Variants in MGAT4C observed in about 807,000 individuals in gnomAD.
MGAT4C encodes alpha-1,3-mannosyl-glycoprotein 4-beta-N-acetylglucosaminyltransferase C.
MGAT4C carries 19 observed loss-of-function variants against 40.1 expected under a neutral mutation model. The observed-to-expected ratio is 0.47, with a 90% CI of 0.33 to 0.70. The LOEUF (loss-of-function observed/expected upper bound fraction) is 0.70, where lower values mean the gene tolerates loss of function less well. Among genes scored for constraint, MGAT4C ranks in the 30% least tolerant of loss-of-function variants. MGAT4C has a pLI of 0.02. For missense variants in MGAT4C, 491 were observed against 563.2 expected (o/e 0.87, Z 1.30); for synonymous variants, 181 against 187.1 (o/e 0.97, Z 0.27).
chr12:86,142,976 T>C (rs189768008), intron 1 of MGAT4C, among the ~76,000 whole-genome samples: 4 of 152,272 alleles, frequency 2.6e-5, no homozygotes, highest in Admixed American at 6.5e-5. Flanking sequence ...AACCCACTTA[T>C]TGTCTTCAAA....
At chr12:86,706,693 G>C (rs1013647902) in intron 2 of MGAT4C, among the ~76,000 whole-genome samples, 3 of 152,122 alleles carry the variant, frequency 2.0e-5, no homozygotes, top group Non-Finnish European at 4.4e-5. Context: ...ATTATGAATT[G>C]CCCTAGAATC....
At chr12:86,585,578 G>C (rs1242024213) in intron 2 of MGAT4C, among the ~76,000 whole-genome samples, 1 of 151,342 alleles carries the variant, frequency 6.6e-6, no homozygotes, top group East Asian at 1.9e-4. Context: ...ATAATTTAAT[G>C]AACCATGTGA....
chr12:86,333,269 GA>G (rs537381039), intron 4 of MGAT4C, among the ~76,000 whole-genome samples: 2 of 152,156 alleles, frequency 1.3e-5, no homozygotes, highest in Non-Finnish European at 2.9e-5. Flanking sequence ...CATTATTGGG[GA>G]AAAAAATTCC....
At chr12:86,813,728 T>A (rs1952524200) in intron 1 of MGAT4C, among the ~76,000 whole-genome samples, 2 of 152,132 alleles carry the variant, frequency 1.3e-5, no homozygotes, top group Admixed American at 6.6e-5. Context: ...AACTATGTTG[T>A]GTATTTGAAT....
intron 2 of MGAT4C, among the ~76,000 whole-genome samples, chr12:86,596,220 TAAATAA>T (rs1961533432): frequency 6.6e-6 from 1 of 152,056 alleles, no homozygotes; most frequent in African/African-American, 2.4e-5. Context: ...AATAAATAAA[TAAATAA>T]AACAAGTACC....
intron 3 of MGAT4C, among the ~76,000 whole-genome samples, chr12:86,419,979 C>A (rs930395027): frequency 1.3e-5 from 2 of 150,288 alleles, no homozygotes; most frequent in South Asian, 2.1e-4. Flanking sequence ...ACTGTCTTTC[C>A]CATAGTTTAG....
At chr12:86,509,009 T>A (rs567208245) in intron 2 of MGAT4C, among the ~76,000 whole-genome samples, 1 of 152,060 alleles carries the variant, frequency 6.6e-6, no homozygotes, top group Non-Finnish European at 1.5e-5. Context: ...ATTTTGTAGG[T>A]TGTCTGTTCA....
At chr12:86,127,718 T>A (rs1429352758) in intron 1 of MGAT4C, among the ~76,000 whole-genome samples, 1 of 152,172 alleles carries the variant, frequency 6.6e-6, no homozygotes, top group African/African-American at 2.4e-5. Context: ...GTAAACATTT[T>A]GTTAAAATCT....
intron 2 of MGAT4C, among the ~76,000 whole-genome samples, chr12:86,454,398 T>G (rs1394438122): frequency 6.6e-6 from 1 of 152,030 alleles, no homozygotes; most frequent in African/African-American, 2.4e-5. Context: ...TGATTAATTT[T>G]TGTATTTTTT....
chr12:86,202,562 C>CAGTTGA lies in MGAT4C; in HGVS notation c.-57+53676_-57+53677insTCAACT, dbSNP rs1317500981. Among the ~76,000 whole-genome samples, 183 of 151,842 alleles carry CAGTTGA rather than the reference C, an allele frequency of 1.2e-3. 2 individuals carry two copies. The East Asian group carries it at 0.033, about 28-fold the overall frequency. On this transcript the variant is annotated intron_variant, in intron 1 of 4. Transcript: ENST00000611864. ...AGATGTATAGGTTGATATTTTTCAC[C>CAGTTGA]AGTTTGACAAGTTTTAAGCCATTGT...
At chr12:86,179,265 T>A (rs887226917) in intron 1 of MGAT4C, among the ~76,000 whole-genome samples, 2 of 152,232 alleles carry the variant, frequency 1.3e-5, no homozygotes, top group African/African-American at 2.4e-5. Context: ...ACTGTGATTC[T>A]GAGGCCTCCC....
At chr12:86,720,507 CTATTAA>C (rs1465240714) in intron 2 of MGAT4C, among the ~76,000 whole-genome samples, 1 of 152,112 alleles carries the variant, frequency 6.6e-6, no homozygotes, top group Non-Finnish European at 1.5e-5. Context: ...CAATTAGGTC[CTATTAA>C]TATTAACATC....
intron 1 of MGAT4C, among the ~76,000 whole-genome samples, chr12:86,084,756 G>T (rs1871430524): frequency 6.6e-6 from 1 of 151,642 alleles, no homozygotes; most frequent in Non-Finnish European, 1.5e-5. Flanking sequence ...AGAGGCCTGA[G>T]CAAATGAAGT....
At position 85,955,838 on chromosome 12, in the gene MGAT4C, A is replaced by G. The variant is rs1205808517; in HGVS notation, c.*23451T>C. 6.6e-6 allele frequency: 1 copy of G among 152,308 alleles called. No homozygotes were observed. The highest frequency in any genetic ancestry group is 1.5e-5 in the Non-Finnish European group (1 of 68,012). 9.4% of individuals were successfully genotyped at this position (152,308 alleles called of 1,614,324 possible). ...AAAAAATACAGGACAAAGGTTTACA[A>G]TAACTATTTGTGCTAGCTAATGAAG... On this transcript the variant is annotated 3_prime_UTR_variant, in exon 5 of 5. Coordinates refer to ENST00000611864, the MANE Select transcript of MGAT4C (RefSeq NM_001351288.2).
At chr12:86,595,526 G>A (rs1351166863) in intron 2 of MGAT4C, among the ~76,000 whole-genome samples, 2 of 145,194 alleles carry the variant, frequency 1.4e-5, no homozygotes, top group South Asian at 2.2e-4. Flanking sequence ...GTGAAACTCT[G>A]TCTCAAAAAA....
At chr12:86,756,629 A>T (rs961320541) in intron 1 of MGAT4C, among the ~76,000 whole-genome samples, 3 of 152,202 alleles carry the variant, frequency 2.0e-5, no homozygotes, top group Non-Finnish European at 4.4e-5. Context: ...AAAACTAAAA[A>T]AGTTAAATGA....
chr12:86,404,663 G>A (rs1251732333), intron 3 of MGAT4C, among the ~76,000 whole-genome samples: 1 of 151,978 alleles, frequency 6.6e-6, no homozygotes, highest in Admixed American at 6.6e-5. Context: ...ACACTGAATT[G>A]GTGGTAATTT....
At chr12:86,466,986 T>G (rs1452188303) in intron 2 of MGAT4C, among the ~76,000 whole-genome samples, 3 of 152,322 alleles carry the variant, frequency 2.0e-5, no homozygotes, top group East Asian at 3.9e-4. Flanking sequence ...CATTGATTAT[T>G]TTGTTTTATT....
chr12:86,681,234 T>G (rs747268257), intron 2 of MGAT4C, among the ~76,000 whole-genome samples: 3 of 151,958 alleles, frequency 2.0e-5, no homozygotes, highest in Non-Finnish European at 4.4e-5. Context: ...GAAGTAACCA[T>G]GTTAGGACTA....
Sources: gnomAD v4.1 joint callset for allele counts (sites outside exome capture counted in the v4.1 genomes callset) on GRCh38, gnomAD v4.1.1 for gene constraint, MANE v1.5 for transcripts, NCBI Gene and HGNC (gene_info 2026-07-23, HGNC 2026-07-21) for gene names.